ENTPD7: variants seen among roughly 807,000 people sequenced by gnomAD.
ENTPD7 encodes ectonucleoside triphosphate diphosphohydrolase 7.
ENTPD7 carries 53 observed loss-of-function variants against 77.9 expected under a neutral mutation model. The observed-to-expected ratio is 0.68, with a 90% CI of 0.55 to 0.85. ENTPD7 has a LOEUF of 0.85. ENTPD7 is among the 40% of genes least tolerant of loss of function. ENTPD7 has a pLI of 0.00. For missense variants in ENTPD7, 636 were observed against 743.7 expected (o/e 0.86, Z 1.68); for synonymous variants, 248 against 274.9 (o/e 0.90, Z 0.97).
intron 11 of ENTPD7, among the ~76,000 whole-genome samples, chr10:99,701,570 G>A (rs1327649209): frequency 2.0e-5 from 3 of 151,714 alleles, no homozygotes; most frequent in African/African-American, 7.3e-5. Flanking sequence ...TTACAGGTAT[G>A]AGCCACCGGG....
At chr10:99,676,626 G>C (rs2035685093) in intron 3 of ENTPD7, among the ~76,000 whole-genome samples, 1 of 152,182 alleles carries the variant, frequency 6.6e-6, no homozygotes, top group Non-Finnish European at 1.5e-5. Context: ...TGTGAGGTCA[G>C]TATTTGCAAG....
intron 3 of ENTPD7, among the ~76,000 whole-genome samples, chr10:99,662,124 C>G (rs1473918153): frequency 1.3e-5 from 2 of 152,026 alleles, no homozygotes; most frequent in African/African-American, 2.4e-5. Context: ...GTTTTTTTAT[C>G]CAATCTGACT....
chr10:99,672,671 T>C (rs559369477), intron 3 of ENTPD7, among the ~76,000 whole-genome samples: 1 of 152,330 alleles, frequency 6.6e-6, no homozygotes, highest in African/African-American at 2.4e-5. Context: ...ACTGCTCTGA[T>C]TAATCTTGTT....
In ENTPD7 at chr10:99,707,008, C is replaced by T. The variant is rs575050048; in HGVS notation, c.*2325C>T. 4.3e-4 allele frequency among the ~76,000 whole-genome samples: 65 copies of T among 152,172 alleles called. No homozygotes were observed. The highest frequency in any genetic ancestry group is 1.5e-3 in the African/African-American group (62 of 41,524). ...TCTTCATCCTGGCTGTAATAATAGC[C>T]ATTATTTGTTATGCCTTTGTTATGT... On this transcript the variant is annotated 3_prime_UTR_variant, in exon 13 of 13. Transcript: ENST00000370489.
chr10:99,673,191 T>C (rs550949773), intron 3 of ENTPD7, among the ~76,000 whole-genome samples: 5 of 152,304 alleles, frequency 3.3e-5, no homozygotes, highest in Admixed American at 6.5e-5. Context: ...GCCAAGGCTT[T>C]TGAGACTTTT....
At position 99,691,496 on chromosome 10, in the gene ENTPD7, C is replaced by T; in HGVS notation, c.821C>T (p.Thr274Ile). Residue 274 changes from threonine to isoleucine, a missense_variant, in exon 8 of 13, where the codon ACC becomes ATC. Physicochemically the swap from Thr to Ile is moderately conservative, Grantham distance 89 (BLOSUM62 -1). Around this residue, in one of 3 missense-constraint regions of ENTPD7, gnomAD observed 486 missense variants for 556.5 expected, o/e 0.87. Coordinates refer to ENST00000370489, the MANE Select transcript of ENTPD7 (RefSeq NM_020354.5). Reference sequence around the variant, plus strand: ...ATTGCTTATGAAGTTCCTACCTCAACCTCTGTCCTTCCTGCAAAGCAGGTA... The same window carrying T: ...ATTGCTTATGAAGTTCCTACCTCAATCTCTGTCCTTCCTGCAAAGCAGGTA... The part of the protein sequence containing the change: ...LQIAYEVPTS[T>I]SVLPAKQEEA... 6.2e-7 allele frequency: 1 copy of T among 1,613,884 alleles called. No homozygotes were observed. Among genetic ancestry groups the T allele is most frequent in the Non-Finnish European group, 8.5e-7 (1 of 1,179,936 alleles).
At chr10:99,676,909 C>G (rs2035687764) in intron 3 of ENTPD7, among the ~76,000 whole-genome samples, 1 of 152,210 alleles carries the variant, frequency 6.6e-6, no homozygotes, top group Non-Finnish European at 1.5e-5. Flanking sequence ...TATATTGAAG[C>G]TCAGTTCCCT....
At chr10:99,661,851 T>C (rs1222803170) in intron 3 of ENTPD7, among the ~76,000 whole-genome samples, 1 of 152,230 alleles carries the variant, frequency 6.6e-6, no homozygotes, top group African/African-American at 2.4e-5. Flanking sequence ...CTTGTTTTGG[T>C]GGGCTGAAAC....
rs977512664 is a variant in ENTPD7, at chr10:99,706,763, T to G, written c.*2080T>G. On this transcript the variant is annotated 3_prime_UTR_variant, in exon 13 of 13. Coordinates refer to ENST00000370489, the MANE Select transcript of ENTPD7 (RefSeq NM_020354.5). ...CTCCGTGAACCTTATGAATGCTGCTTAAAAATAATGTCAAAATATGTTTTA... is the reference window on the plus strand; with the variant it reads ...CTCCGTGAACCTTATGAATGCTGCTGAAAAATAATGTCAAAATATGTTTTA... 6.6e-6 allele frequency among the ~76,000 whole-genome samples: 1 copy of G among 152,226 alleles called. No homozygotes were observed. Among genetic ancestry groups the G allele is most frequent in the South Asian group, 2.1e-4 (1 of 4,832 alleles).
At chr10:99,671,645 G>T (rs555456848) in intron 3 of ENTPD7, among the ~76,000 whole-genome samples, 5 of 152,338 alleles carry the variant, frequency 3.3e-5, no homozygotes, top group South Asian at 2.1e-4. Context: ...TAGTGTACAA[G>T]ACACTGTGGT....
At chr10:99,698,302 CAT>C (rs1420014409) in intron 9 of ENTPD7, among the ~76,000 whole-genome samples, 2 of 152,206 alleles carry the variant, frequency 1.3e-5, no homozygotes, top group South Asian at 2.1e-4. Flanking sequence ...AGGAAATACA[CAT>C]GTTGACTAAA....
At chr10:99,682,089 G>A (rs76378333) in intron 5 of ENTPD7, among the ~76,000 whole-genome samples, 24 of 152,156 alleles carry the variant, frequency 1.6e-4, no homozygotes, top group African/African-American at 5.5e-4. Context: ...TCATATCAAT[G>A]AGACCATTGC....
intron 5 of ENTPD7, among the ~76,000 whole-genome samples, chr10:99,683,373 G>T (rs749054328): frequency 2.2e-4 from 33 of 152,056 alleles, no homozygotes; most frequent in Non-Finnish European, 4.0e-4. Flanking sequence ...CTTTGCCAAA[G>T]GCCTGGACTA....
In ENTPD7 at chr10:99,679,763, G is replaced by A. The variant is rs1440297930; in HGVS notation, c.436G>A (p.Asp146Asn). ...GGCAGACACTCCAGAACATGCCAGT[G>A]ATTACCTTCGTCCTCTGCTGAGCTT... ...AMADTPEHAS[D>N]YLRPLLSFAA... Residue 146 changes from aspartate to asparagine, a missense_variant, in exon 5 of 13, where the codon GAT becomes AAT. Around this residue, in one of 3 missense-constraint regions of ENTPD7, gnomAD observed 486 missense variants for 556.5 expected, o/e 0.87. Transcript: ENST00000370489. 6.2e-7 allele frequency: 1 copy of A among 1,614,158 alleles called. No homozygotes were observed. The highest frequency in any genetic ancestry group is 2.2e-5 in the East Asian group (1 of 44,890).
intron 5 of ENTPD7, among the ~76,000 whole-genome samples, chr10:99,684,724 C>T (rs1370663088): frequency 2.0e-5 from 3 of 152,146 alleles, no homozygotes; most frequent in African/African-American, 7.2e-5. Flanking sequence ...AACATTTTCT[C>T]TAGATGCATA....
At chr10:99,698,925 C>T (rs962818599) in intron 10 of ENTPD7, 67 bp downstream of exon 10, 2 of 1,444,604 alleles carry the variant, frequency 1.4e-6, no homozygotes, top group Non-Finnish European at 1.9e-6. Flanking sequence ...TCACTCTGTG[C>T]CAGGTGCTGT....
chr10:99,677,176 A>C (rs936754766), intron 3 of ENTPD7, among the ~76,000 whole-genome samples: 1 of 152,106 alleles, frequency 6.6e-6, no homozygotes, highest in Non-Finnish European at 1.5e-5. Flanking sequence ...CTATACCTTA[A>C]AGCCCCTCAC....
chr10:99,698,932 C>A, intron 10 of ENTPD7, 74 bp downstream of exon 10: 1 of 1,386,858 alleles, frequency 7.2e-7, no homozygotes, highest in Non-Finnish European at 9.8e-7. Context: ...GTGCCAGGTG[C>A]TGTGCAAAGG....
intron 6 of ENTPD7, among the ~76,000 whole-genome samples, chr10:99,687,207 G>A (rs1306922040): frequency 2.0e-5 from 3 of 149,554 alleles, no homozygotes; most frequent in African/African-American, 4.9e-5. Context: ...AAGCCACTGC[G>A]GCCGGCCCGT....
Sources: gnomAD v4.1 joint callset for allele counts (sites outside exome capture counted in the v4.1 genomes callset) on GRCh38, gnomAD v4.1.1 for gene constraint, gnomAD v4.1.1 regional missense constraint, MANE v1.5 for transcripts, NCBI Gene and HGNC (gene_info 2026-07-23, HGNC 2026-07-21) for gene names.